The following COX7B2 variants were observed in gnomAD, a reference collection of about 807,000 sequenced individuals.
COX7B2 encodes the protein cytochrome c oxidase subunit 7B2.
For synonymous variants in COX7B2, 37 were observed against 32.1 expected, an observed-to-expected ratio of 1.15 and a Z score of -0.51; for missense variants, 109 against 95.9, an observed-to-expected ratio of 1.14 and a Z score of -0.57.
chr4:46,889,899 G>GTT (rs35632610), intron 1 of COX7B2, among the ~76,000 whole-genome samples: 3 of 140,270 alleles, frequency 2.1e-5, no homozygotes, highest in Non-Finnish European at 4.7e-5. Context: ...TTTCAGTATG[G>GTT]TTTTTTTTTT....
intron 1 of COX7B2, among the ~76,000 whole-genome samples, chr4:46,881,531 C>T (rs920094252): frequency 6.6e-6 from 1 of 151,848 alleles, no homozygotes; most frequent in African/African-American, 2.4e-5. Flanking sequence ...GGGAGGCCGA[C>T]GTGGGTGGAT....
intron 2 of COX7B2, among the ~76,000 whole-genome samples, chr4:46,740,187 T>C (rs1714619794): frequency 6.6e-6 from 1 of 151,974 alleles, no homozygotes; most frequent in Non-Finnish European, 1.5e-5. Context: ...TGTTAAAGTG[T>C]TCGTTTGCAA....
In COX7B2 at chr4:46,735,506, T is replaced by C. The variant is rs553348273; in HGVS notation, c.-49-265A>G. Among the ~76,000 whole-genome samples, 32 of 152,340 alleles carry C rather than the reference T, an allele frequency of 2.1e-4. No individual in the cohort carries two copies. In the South Asian group the frequency reaches 6.4e-3, roughly 31 times the overall value. ...GTAAGCATGTAATAAATGTTAGCTT[T>C]TCTACTCATCACAAATATCCAATGC... On this transcript the variant is annotated intron_variant, in intron 2 of 2. Coordinates refer to ENST00000355591, the MANE Select transcript of COX7B2 (RefSeq NM_130902.3).
chr4:46,772,628 G>A (rs190978603), intron 2 of COX7B2, among the ~76,000 whole-genome samples: 1 of 151,952 alleles, frequency 6.6e-6, no homozygotes, highest in East Asian at 1.9e-4. Context: ...GAAAGGGAGA[G>A]AAAGAAATGC....
chr4:46,797,092 TAAAAAAAAAAAAAAAA>T lies in COX7B2; in HGVS notation c.-50+47852_-50+47867del, dbSNP rs762801656. Among the ~76,000 whole-genome samples the T allele has an allele frequency of 4.7e-3, 296 of 62,568 alleles. 9 individuals carry two copies. The highest frequency in any genetic ancestry group is 8.6e-3 in the Middle Eastern group (1 of 116). The allele number at this position is 62,568 out of a possible 152,430, so 41.0% of individuals were successfully genotyped here. A position where few individuals can be genotyped will look rare whatever the true frequency, so the allele number is the denominator to read the frequency against. The stretch of plus-strand genomic sequence containing the variant: ...ATGTACCCTAAAACTTAGAGTATAA[TAAAAAAAAAAAAAAAA>T]AAAAAAAAAAAAAAAAGGAGAGTCA... On this transcript the variant is annotated intron_variant, in intron 2 of 2. Transcript: ENST00000355591.
intron 1 of COX7B2, among the ~76,000 whole-genome samples, chr4:46,906,677 T>C (rs1720411552): frequency 6.6e-6 from 1 of 152,238 alleles, no homozygotes; most frequent in African/African-American, 2.4e-5. Flanking sequence ...TCTTCTTCTC[T>C]ATCAATAACA....
intron 2 of COX7B2, among the ~76,000 whole-genome samples, chr4:46,796,302 GTTTTTGCCCAT>G (rs1202066109): frequency 6.7e-6 from 1 of 148,556 alleles, no homozygotes; most frequent in Admixed American, 6.7e-5. Context: ...AATGCTTCCA[GTTTTTGCCCAT>G]TTATGCAGCC....
At chr4:46,827,564 C>CA (rs1320118056) in intron 2 of COX7B2, among the ~76,000 whole-genome samples, 1 of 152,014 alleles carries the variant, frequency 6.6e-6, no homozygotes, top group African/African-American at 2.4e-5. Context: ...GCAAAACAAA[C>CA]AAATTTTAAA....
chr4:46,866,361 G>C (rs935264368), intron 1 of COX7B2, among the ~76,000 whole-genome samples: 37 of 152,160 alleles, frequency 2.4e-4, no homozygotes, highest in African/African-American at 8.9e-4. Context: ...GCTCACTTTT[G>C]TCTGTGGTTG....
chr4:46,803,989 T>G (rs984240013), intron 2 of COX7B2, among the ~76,000 whole-genome samples: 1 of 152,156 alleles, frequency 6.6e-6, no homozygotes, highest in South Asian at 2.1e-4. Flanking sequence ...AGTGTTACAG[T>G]TCTCAAAGGC....
chr4:46,783,712 C>T (rs994607973), intron 2 of COX7B2, among the ~76,000 whole-genome samples: 2 of 151,068 alleles, frequency 1.3e-5, no homozygotes, highest in South Asian at 4.2e-4. Flanking sequence ...ATGATATGAA[C>T]AAAAGTCAAA....
chr4:46,820,426 C>T (rs1412177103), intron 2 of COX7B2, among the ~76,000 whole-genome samples: 1 of 152,286 alleles, frequency 6.6e-6, no homozygotes, highest in East Asian at 1.9e-4. Flanking sequence ...TGCCTCTCAC[C>T]TCCTGCAGTG....
At chr4:46,755,613 T>C (rs1715742025) in intron 2 of COX7B2, among the ~76,000 whole-genome samples, 1 of 152,050 alleles carries the variant, frequency 6.6e-6, no homozygotes, top group Non-Finnish European at 1.5e-5. Flanking sequence ...ATGAATTCAA[T>C]AAAATTTCAA....
At chr4:46,770,315 A>G (rs1716802541) in intron 2 of COX7B2, among the ~76,000 whole-genome samples, 1 of 152,146 alleles carries the variant, frequency 6.6e-6, no homozygotes, top group Admixed American at 6.5e-5. Context: ...TACATTGTAA[A>G]CTATGAAATA....
At chr4:46,740,323 A>AC (rs2109396779) in intron 2 of COX7B2, among the ~76,000 whole-genome samples, 1 of 152,242 alleles carries the variant, frequency 6.6e-6, no homozygotes, top group African/African-American at 2.4e-5. Flanking sequence ...TAACTGTCAT[A>AC]CTGTTAACAT....
chr4:46,793,932 A>ATTGGTTTGTGGTATTGGTTTTGG, intron 2 of COX7B2, among the ~76,000 whole-genome samples: 1 of 152,292 alleles, frequency 6.6e-6, no homozygotes, highest in Admixed American at 6.5e-5. Context: ...TGTGGCATCT[A>ATTGGTTTGTGGTATTGGTTTTGG]CATTCATAGT....
chr4:46,735,337 A>G, intron 2 of COX7B2, 96 bp from the exon 3 acceptor site: 1 of 863,940 alleles, frequency 1.2e-6, no homozygotes, highest in East Asian at 2.7e-5. Flanking sequence ...AGTGGTGTTC[A>G]GGAATGTGAG....
At chr4:46,747,624 C>T (rs1187766511) in intron 2 of COX7B2, among the ~76,000 whole-genome samples, 1 of 152,070 alleles carries the variant, frequency 6.6e-6, no homozygotes, top group Non-Finnish European at 1.5e-5. Flanking sequence ...TATAAGTGGA[C>T]TTTTCTTCAC....
At position 46,894,736 on chromosome 4, in the gene COX7B2, G is replaced by C. The variant is rs767936286; in HGVS notation, c.-105+14424C>G. ...ATGGGAGAAAATATTTGCAAACTAC[G>C]CATCTGACAAAGGTCTAATACCCAG... On this transcript the variant is annotated intron_variant, in intron 1 of 2. Coordinates refer to ENST00000355591, the MANE Select transcript of COX7B2 (RefSeq NM_130902.3). 1.4e-4 allele frequency among the ~76,000 whole-genome samples: 21 copies of C among 152,124 alleles called. 1 individual carries two copies. Among genetic ancestry groups the C allele is most frequent in the African/African-American group, 5.1e-4 (21 of 41,522 alleles).
Sources: gnomAD v4.1 joint callset for allele counts (sites outside exome capture counted in the v4.1 genomes callset) on GRCh38, gnomAD v4.1.1 for gene constraint, MANE v1.5 for transcripts, NCBI Gene and HGNC (gene_info 2026-07-23, HGNC 2026-07-21) for gene names.